The following AFF3 variants were observed in gnomAD, a reference collection of about 807,000 sequenced individuals.
AFF3 encodes the protein AF4/FMR2 family member 3.
In AFF3, 32 loss-of-function variants were observed where a neutral mutation model predicts 129.7. The observed-to-expected ratio is 0.25, with a 90% CI of 0.19 to 0.33. AFF3 has a LOEUF of 0.33. AFF3 is among the 10% of genes least tolerant of loss of function. The probability of loss-of-function intolerance (pLI) is 1.00; values close to 1 mark genes in which losing one functional copy is unlikely to be tolerated. For missense variants in AFF3, 1,373 were observed against 1,592.0 expected, an observed-to-expected ratio of 0.86 and a Z score of 2.34; for synonymous variants, 644 against 635.4, an observed-to-expected ratio of 1.01 and a Z score of -0.20.
At chr2:100,106,396 C>T in intron 2 of AFF3, 1 of 1,075,776 alleles carries the variant, frequency 9.3e-7, no homozygotes, top group South Asian at 2.8e-5. Flanking sequence ...GTGTGAAGGG[C>T]TGGCTGCCCA....
chr2:99,855,106 A>G (rs1326115637), intron 7 of AFF3, among the ~76,000 whole-genome samples: 10 of 152,210 alleles, frequency 6.6e-5, no homozygotes, highest in African/African-American at 2.4e-4. Context: ...TTTCCTAAAT[A>G]AGACACAAAA....
At chr2:99,818,397 A>G (rs956682593) in intron 8 of AFF3, among the ~76,000 whole-genome samples, 2 of 152,200 alleles carry the variant, frequency 1.3e-5, no homozygotes, top group African/African-American at 2.4e-5. Flanking sequence ...CTGTACATCA[A>G]TGAAAAATAC....
At chr2:99,598,097 A>C (rs529691020) in intron 14 of AFF3, among the ~76,000 whole-genome samples, 1 of 152,316 alleles carries the variant, frequency 6.6e-6, no homozygotes, top group African/African-American at 2.4e-5. Context: ...GAGTCAGATC[A>C]ATCTGGGAAA....
intron 7 of AFF3, among the ~76,000 whole-genome samples, chr2:99,926,351 C>G (rs971613002): frequency 6.6e-6 from 1 of 152,156 alleles, no homozygotes; most frequent in South Asian, 2.1e-4. Context: ...AGTGGAAGCC[C>G]GGGGCCTGTT....
chr2:99,959,578 A>C (rs1677021881), intron 7 of AFF3, among the ~76,000 whole-genome samples: 2 of 151,508 alleles, frequency 1.3e-5, no homozygotes, highest in Non-Finnish European at 2.9e-5. Context: ...GCATAAAAAA[A>C]ATCTTCCTCA....
chr2:99,733,357 G>T (rs1411897420), intron 10 of AFF3, among the ~76,000 whole-genome samples: 2 of 142,446 alleles, frequency 1.4e-5, no homozygotes, highest in South Asian at 2.4e-4. Context: ...TCCAGCCTGG[G>T]CGACAGAGCG....
At chr2:99,852,337 C>T (rs1005057563) in intron 7 of AFF3, among the ~76,000 whole-genome samples, 4 of 151,988 alleles carry the variant, frequency 2.6e-5, no homozygotes, top group East Asian at 1.9e-4. Context: ...TCCACACAGT[C>T]GGTTTTTAGA....
intron 13 of AFF3, among the ~76,000 whole-genome samples, chr2:99,626,496 C>T (rs1682592888): frequency 7.8e-6 from 1 of 128,026 alleles, no homozygotes; most frequent in African/African-American, 2.9e-5. Context: ...TCTTCCCCTT[C>T]CTTCCCTTCC....
At chr2:99,679,585 A>G (rs958920623) in intron 11 of AFF3, among the ~76,000 whole-genome samples, 1 of 152,206 alleles carries the variant, frequency 6.6e-6, no homozygotes, top group Non-Finnish European at 1.5e-5. Context: ...AACAGTAAGC[A>G]TATCTATAGT....
chr2:99,985,468 T>A, intron 7 of AFF3, among the ~76,000 whole-genome samples: 1 of 152,214 alleles, frequency 6.6e-6, no homozygotes, highest in Non-Finnish European at 1.5e-5. Flanking sequence ...GGAATCGCAT[T>A]TGACCTTTTT....
At chr2:99,765,812 C>A (rs977236676) in intron 8 of AFF3, among the ~76,000 whole-genome samples, 4 of 152,220 alleles carry the variant, frequency 2.6e-5, no homozygotes, top group Non-Finnish European at 4.4e-5. Flanking sequence ...TATTCATAGT[C>A]AAACAGAAGG....
At chr2:99,724,614 T>C (rs1198562262) in intron 11 of AFF3, among the ~76,000 whole-genome samples, 1 of 152,094 alleles carries the variant, frequency 6.6e-6, no homozygotes, top group Non-Finnish European at 1.5e-5. Flanking sequence ...ATCCATAATA[T>C]GGGGATATTG....
chr2:100,015,721 T>C (rs183341981), intron 4 of AFF3, among the ~76,000 whole-genome samples: 1 of 152,338 alleles, frequency 6.6e-6, no homozygotes, highest in Non-Finnish European at 1.5e-5. Flanking sequence ...AGAAAGACAG[T>C]GAGCATGGGA....
chr2:99,771,662 C>G (rs1008923325), intron 8 of AFF3, among the ~76,000 whole-genome samples: 1 of 152,178 alleles, frequency 6.6e-6, no homozygotes, highest in Non-Finnish European at 1.5e-5. Flanking sequence ...AAAAGAATAA[C>G]ATGGTATAAA....
At chr2:99,566,683 T>C (rs961160049) in intron 19 of AFF3, among the ~76,000 whole-genome samples, 1 of 152,232 alleles carries the variant, frequency 6.6e-6, no homozygotes, top group African/African-American at 2.4e-5. Context: ...AACTTATGCA[T>C]CAAGTTCCTG....
At chr2:99,615,776 C>G (rs1681367637) in intron 13 of AFF3, among the ~76,000 whole-genome samples, 2 of 152,242 alleles carry the variant, frequency 1.3e-5, no homozygotes, top group Non-Finnish European at 2.9e-5. Flanking sequence ...CAAGAGTGAG[C>G]AGGCTGCCCC....
intron 11 of AFF3, among the ~76,000 whole-genome samples, chr2:99,692,798 T>G (rs908867521): frequency 1.3e-5 from 2 of 152,182 alleles, no homozygotes; most frequent in African/African-American, 4.8e-5. Flanking sequence ...CTCTGTATCC[T>G]CCAGAGAGCC....
intron 4 of AFF3, among the ~76,000 whole-genome samples, chr2:100,009,759 T>C (rs1682342069): frequency 6.6e-6 from 1 of 152,178 alleles, no homozygotes; most frequent in African/African-American, 2.4e-5. Context: ...CTAATTCAAC[T>C]AGTGATGAGG....
intron 8 of AFF3, among the ~76,000 whole-genome samples, chr2:99,777,947 CAAAAAAAAA>C (rs576434643): frequency 8.7e-4 from 42 of 48,320 alleles, no homozygotes; most frequent in African/African-American, 2.5e-3. Context: ...AAAGCAAAAG[CAAAAAAAAA>C]AAAAAAAAAA....
Sources: gnomAD v4.1 joint callset for allele counts (sites outside exome capture counted in the v4.1 genomes callset) on GRCh38, gnomAD v4.1.1 for gene constraint, MANE v1.5 for transcripts, NCBI Gene and HGNC (gene_info 2026-07-23, HGNC 2026-07-21) for gene names.